The following KIF20B variants were observed in gnomAD, a reference collection of about 807,000 sequenced individuals.
KIF20B encodes kinesin-like protein KIF20B.
KIF20B carries 188 observed loss-of-function variants against 232.5 expected under a neutral mutation model. The ratio of observed to expected loss-of-function variants is 0.81; its 90% confidence interval spans 0.72 to 0.91. The LOEUF is 0.91. Among genes scored for constraint, KIF20B ranks in the 40% least tolerant of loss-of-function variants. The pLI, the probability that KIF20B is intolerant of heterozygous loss-of-function variation, is 0.00. For synonymous variants in KIF20B, 712 were observed against 683.0 expected (o/e 1.04, Z -0.66); for missense variants, 2,154 against 2,055.9 (o/e 1.05, Z -0.92).
At position 89,702,582 on chromosome 10, in the gene KIF20B, C is replaced by T. The variant is rs993842056; in HGVS notation, c.-2+902C>T. Among the ~76,000 whole-genome samples the T allele has an allele frequency of 2.0e-5, 3 of 152,166 alleles. No homozygotes were observed. The South Asian group carries it at 6.2e-4, about 32-fold the overall frequency. Reference sequence around the variant, plus strand: ...GAGGCTTTGTGTTGTAGACCACATTCAGAAACCTCATTCAGCAACAGATTC... The same window carrying T: ...GAGGCTTTGTGTTGTAGACCACATTTAGAAACCTCATTCAGCAACAGATTC... On this transcript the variant is annotated intron_variant, in intron 1 of 32. Coordinates refer to ENST00000371728, the MANE Select transcript of KIF20B (RefSeq NM_001284259.2).
intron 9 of KIF20B, 62 bp from the exon 10 acceptor site, chr10:89,717,360 GTC>G (rs1246343058): frequency 3.3e-5 from 32 of 984,338 alleles, no homozygotes; most frequent in East Asian, 2.9e-4. Flanking sequence ...TTGAATACTT[GTC>G]TCTCCTATTT....
intron 23 of KIF20B, among the ~76,000 whole-genome samples, chr10:89,749,897 A>G (rs1318197790): frequency 1.3e-4 from 20 of 152,162 alleles, no homozygotes; most frequent in Admixed American, 1.3e-3. Context: ...CAAGTGTTGA[A>G]TATGCAGCAC....
At chr10:89,773,686 G>T (rs1842513107) in intron 32 of KIF20B, among the ~76,000 whole-genome samples, 1 of 151,912 alleles carries the variant, frequency 6.6e-6, no homozygotes, top group Non-Finnish European at 1.5e-5. Context: ...TGAGGCACTT[G>T]TCTCCAAATA....
intron 31 of KIF20B, 149 bp downstream of exon 31, chr10:89,769,037 G>GT: frequency 1.6e-6 from 1 of 614,030 alleles, no homozygotes; most frequent in Non-Finnish European, 2.7e-6. Flanking sequence ...GAAGAAACAT[G>GT]TAAAAGGATG....
chr10:89,724,934 G>A, intron 14 of KIF20B, 86 bp from the exon 15 acceptor site: 1 of 1,338,280 alleles, frequency 7.5e-7, no homozygotes, highest in Non-Finnish European at 1.0e-6. Flanking sequence ...TTTTAATCTA[G>A]AATATACTTA....
intron 15 of KIF20B, among the ~76,000 whole-genome samples, chr10:89,725,695 T>TC (rs749173907): frequency 6.6e-6 from 1 of 152,200 alleles, no homozygotes; most frequent in Non-Finnish European, 1.5e-5. Context: ...CTGCCCAGCC[T>TC]CCCAGGTGGC....
intron 27 of KIF20B, among the ~76,000 whole-genome samples, chr10:89,760,007 G>T (rs913608415): frequency 6.6e-6 from 1 of 152,122 alleles, no homozygotes; most frequent in Non-Finnish European, 1.5e-5. Flanking sequence ...AGAATGTGCT[G>T]CAAGAAAAGA....
rs373248015 is a variant in KIF20B, at chr10:89,740,015, CA to C, written c.3915+922del. Among the ~76,000 whole-genome samples, 165 of 152,182 alleles carry C rather than the reference CA, an allele frequency of 1.1e-3. 4 individuals carry two copies. The South Asian group carries it at 0.033, about 31-fold the overall frequency. On this transcript the variant is annotated intron_variant, in intron 21 of 32. Transcript: ENST00000371728. ...TTATTTTTTGCCCATAGCCATAATG[CA>C]AATATCTTCTATATGCTCTTGGTAC...
intron 18 of KIF20B, among the ~76,000 whole-genome samples, chr10:89,731,362 T>C (rs1006975688): frequency 3.3e-5 from 5 of 152,198 alleles, no homozygotes; most frequent in African/African-American, 1.2e-4. Flanking sequence ...AAATAAACTT[T>C]ATAGATTCTA....
intron 18 of KIF20B, 85 bp from the exon 19 acceptor site, chr10:89,732,818 G>A (rs1843355423): frequency 8.4e-7 from 1 of 1,196,572 alleles, no homozygotes; most frequent in Non-Finnish European, 1.1e-6. Context: ...AATTTTTATG[G>A]TACACCATTG....
chr10:89,720,800 G>A (rs866094532), intron 13 of KIF20B, among the ~76,000 whole-genome samples: 12 of 152,216 alleles, frequency 7.9e-5, no homozygotes, highest in South Asian at 2.1e-4. Flanking sequence ...CTGCCTCCTG[G>A]GTTCAAGCGA....
At chr10:89,761,118 T>C (rs964959181) in intron 28 of KIF20B, among the ~76,000 whole-genome samples, 1 of 152,174 alleles carries the variant, frequency 6.6e-6, no homozygotes, top group African/African-American at 2.4e-5. Context: ...AAATTCTATG[T>C]TACTTAAAAT....
chr10:89,762,464 G>T (rs1842262162), intron 28 of KIF20B, among the ~76,000 whole-genome samples, 174 bp from the exon 29 acceptor site: 1 of 152,170 alleles, frequency 6.6e-6, no homozygotes, highest in Admixed American at 6.5e-5. Context: ...CATACCATGT[G>T]TGAGCCTGAA....
chr10:89,738,836 A>G, intron 20 of KIF20B, 122 bp from the exon 21 acceptor site: 1 of 1,224,228 alleles, frequency 8.2e-7, no homozygotes, highest in Non-Finnish European at 1.1e-6. Context: ...GAACTCATTC[A>G]TAGTTTGGAT....
intron 22 of KIF20B, among the ~76,000 whole-genome samples, chr10:89,744,217 C>T (rs1218875849): frequency 6.6e-6 from 1 of 152,022 alleles, no homozygotes; most frequent in East Asian, 1.9e-4. Flanking sequence ...ATAACATTAC[C>T]ATTAGTCATA....
intron 11 of KIF20B, 23 bp from the exon 12 acceptor site, chr10:89,718,687 T>A (rs1349326741): frequency 6.3e-7 from 1 of 1,589,216 alleles, no homozygotes; most frequent in East Asian, 2.2e-5. Context: ...ACTTACAATG[T>A]TTTCTGAAAA....
At chr10:89,750,893 A>G (rs935742736) in intron 23 of KIF20B, among the ~76,000 whole-genome samples, 2 of 152,160 alleles carry the variant, frequency 1.3e-5, no homozygotes, top group African/African-American at 4.8e-5. Flanking sequence ...GTTAAAAAAA[A>G]TAGTTCAAAT....
At chr10:89,752,715 T>C in intron 25 of KIF20B, 24 bp downstream of exon 25, 1 of 1,471,808 alleles carries the variant, frequency 6.8e-7, no homozygotes, top group Non-Finnish European at 9.1e-7. Flanking sequence ...TATGTTTTTA[T>C]GTATGAATGT....
Position 89,746,102 on chromosome 10 carries a change from G to A in KIF20B, c.4096+143G>A, listed in dbSNP as rs1483225994. The A allele has an allele frequency of 1.1e-5, 7 of 640,614 alleles. No individual in the cohort carries two copies. The African/African-American group carries it at 1.3e-4, about 12-fold the overall frequency. The allele number at this position is 640,614 out of a possible 1,614,324, so 39.7% of individuals were successfully genotyped here. A position where few individuals can be genotyped will look rare whatever the true frequency, so the allele number is the denominator to read the frequency against. On this transcript the variant is annotated intron_variant, in intron 23 of 32. Coordinates refer to ENST00000371728, the MANE Select transcript of KIF20B (RefSeq NM_001284259.2). Reference sequence around the variant, plus strand: ...GCATGCAGACGGGCAGGTCTTGAGTGTGGGCTCTGACCCTGTGGCAGCATC... The same window carrying A: ...GCATGCAGACGGGCAGGTCTTGAGTATGGGCTCTGACCCTGTGGCAGCATC...
Sources: allele counts gnomAD v4.1 joint callset (sites outside exome capture counted in the v4.1 genomes callset), GRCh38; gene constraint gnomAD v4.1.1; transcripts MANE v1.5; gene names NCBI Gene and HGNC (gene_info 2026-07-23, HGNC 2026-07-21).